KCNV2: variants seen among roughly 807,000 people sequenced by gnomAD.
KCNV2 encodes potassium voltage-gated channel modifier subfamily V member 2, also known as potassium voltage-gated channel subfamily V member 2.
In KCNV2, 65 loss-of-function variants were observed where a neutral mutation model predicts 37.0. The observed-to-expected ratio is 1.76, with a 90% confidence interval of 1.44 to 2.16. The LOEUF is 2.16. Ranked by LOEUF, KCNV2 falls within the 30% of genes most tolerant of loss-of-function variation. The pLI, the probability that KCNV2 is intolerant of heterozygous loss-of-function variation, is 0.00. For synonymous variants in KCNV2, 518 were observed against 328.6 expected, an observed-to-expected ratio of 1.58 and a Z score of -6.23; for missense variants, 1,232 against 766.7, an observed-to-expected ratio of 1.61 and a Z score of -7.17.
rs768154610 is a variant in KCNV2, at chr9:2,717,768, C to T, written c.29C>T (p.Ser10Phe). Residue 10 changes from serine (S) to phenylalanine (F), a missense_variant, in exon 1 of 2, where the codon TCC becomes TTC. By Grantham distance (155) the Ser-to-Phe change is radical. Transcript: ENST00000382082. The stretch of plus-strand genomic sequence containing the variant: ...CTCAAACAGAGTGAGAGGAGACGGT[C>T]CTGGAGCTACAGGCCCTGGAACACG... MLKQSERRR[S>F]WSYRPWNTTE... 2 of 1,614,086 alleles carry T rather than the reference C, an allele frequency of 1.2e-6. No homozygotes were observed. The highest frequency in any genetic ancestry group is 2.7e-5 in the African/African-American group (2 of 74,938).
chr9:2,719,371 T>C (rs994423202), intron 1 of KCNV2, among the ~76,000 whole-genome samples: 1 of 152,196 alleles, frequency 6.6e-6, no homozygotes, highest in Non-Finnish European at 1.5e-5. Context: ...TTAAAGAAGA[T>C]GCGTCATCAT....
chr9:2,721,182 C>T (rs1819860801), intron 1 of KCNV2, among the ~76,000 whole-genome samples: 1 of 152,200 alleles, frequency 6.6e-6, no homozygotes. Flanking sequence ...CACATTCCAA[C>T]CATCCCATTT....
Position 2,718,887 on chromosome 9 carries a change from G to C in KCNV2, c.1148G>C (p.Arg383Pro), listed in dbSNP as rs141881396. ...GQVLRVMRLM[R>P]IFRILKLARH... is the part of the protein sequence containing the mutation. ...GTGTTGCGCGTCATGCGCCTCATGCGCATCTTCCGCATCCTCAAGCTGGCG... is the reference window on the plus strand; with the variant it reads ...GTGTTGCGCGTCATGCGCCTCATGCCCATCTTCCGCATCCTCAAGCTGGCG... Residue 383 changes from arginine to proline, a missense_variant, in exon 1 of 2, where the codon CGC (arginine) becomes CCC (proline). Arg to Pro is a moderately radical substitution (Grantham distance 103, BLOSUM62 -2). Transcript: ENST00000382082. 6.2e-7 allele frequency: 1 copy of C among 1,608,700 alleles called. No individual in the cohort carries two copies. Among genetic ancestry groups the C allele is most frequent in the South Asian group, 1.1e-5 (1 of 91,080 alleles).
chr9:2,725,450 T>TA (rs1819953382), intron 1 of KCNV2, among the ~76,000 whole-genome samples: 2 of 152,246 alleles, frequency 1.3e-5, no homozygotes, highest in Admixed American at 6.5e-5. Flanking sequence ...TTAAAATAGT[T>TA]AAGACACTTT....
intron 1 of KCNV2, among the ~76,000 whole-genome samples, chr9:2,720,834 T>C (rs573390559): frequency 1.5e-4 from 23 of 152,334 alleles, no homozygotes; most frequent in Non-Finnish European, 3.1e-4. Context: ...CAAACGGATA[T>C]GGCTAGAGAA....
intron 1 of KCNV2, among the ~76,000 whole-genome samples, chr9:2,726,437 T>A (rs888294842): frequency 6.6e-6 from 1 of 152,208 alleles, no homozygotes; most frequent in African/African-American, 2.4e-5. Flanking sequence ...CAGATATTTA[T>A]TCTTCTTTAA....
rs181883624 is a variant in KCNV2 at position 2,724,452 on chromosome 9, A to C, written c.1357-4994A>C. ...AATAGATAGTTGTTAGAAGACTAGA[A>C]GAAGAAAAAAAAGAAGACTGGAAAA... On this transcript the variant is annotated intron_variant, in intron 1 of 1. Transcript: ENST00000382082. Among the ~76,000 whole-genome samples the C allele has an allele frequency of 2.6e-3, 395 of 152,350 alleles. 1 individual carries two copies. Among genetic ancestry groups the C allele is most frequent in the Admixed American group, 8.1e-3 (124 of 15,304 alleles).
chr9:2,727,132 G>A (rs1035088462), intron 1 of KCNV2, among the ~76,000 whole-genome samples: 1 of 152,116 alleles, frequency 6.6e-6, no homozygotes, highest in Non-Finnish European at 1.5e-5. Flanking sequence ...CCAGAGGTGT[G>A]AGTCATGGTG....
rs1563800897 is a variant in KCNV2, at chr9:2,729,670, GATAGCTGAGTGTTTGCTTGGAAGCAACCC to G, written c.1583_1611del (p.Ile528ThrfsTer18). 1 of 1,614,142 alleles carries G rather than the reference GATAGCTGAGTGTTTGCTTGGAAGCAACCC, an allele frequency of 6.2e-7. No individual in the cohort carries two copies. Among genetic ancestry groups the G allele is most frequent in the Non-Finnish European group, 8.5e-7 (1 of 1,180,002 alleles). On this transcript the variant is annotated frameshift_variant, in exon 2 of 2. Coordinates refer to ENST00000382082, the MANE Select transcript of KCNV2 (RefSeq NM_133497.4). LOFTEE classifies it high-confidence loss of function. ...ACTTCATGCAGAGAGCCAGAAAGAA[GATAGCTGAGTGTTTGCTTGGAAGCAACCC>G]ACAGCTCACCCCAAGACAAGAGAAT...
Position 2,718,497 on chromosome 9 carries a change from C to A in KCNV2, c.758C>A (p.Pro253Gln), listed in dbSNP as rs760295753. The A allele has an allele frequency of 6.2e-7, 1 of 1,610,828 alleles. No homozygotes were observed. Among genetic ancestry groups the A allele is most frequent in the African/African-American group, 1.3e-5 (1 of 74,910 alleles). ...RRRLWNLMEK[P>Q]FSSVAAKAIG... ...CGCCTCTGGAACCTCATGGAGAAGC[C>A]ATTCTCCTCGGTGGCCGCCAAGGCC... Residue 253 changes from proline (P) to glutamine (Q), a missense_variant, in exon 1 of 2, where the codon CCA becomes CAA. By Grantham distance (76) the Pro-to-Gln change is moderately conservative. Coordinates refer to ENST00000382082, the MANE Select transcript of KCNV2 (RefSeq NM_133497.4).
intron 1 of KCNV2, among the ~76,000 whole-genome samples, chr9:2,724,341 G>C (rs890372454): frequency 6.6e-6 from 1 of 152,052 alleles, no homozygotes; most frequent in Non-Finnish European, 1.5e-5. Flanking sequence ...TTGCTTTGAG[G>C]AAACCCATTT....
Position 2,717,839 on chromosome 9 carries a change from G to A in KCNV2, c.100G>A (p.Gly34Ser), listed in dbSNP as rs949623104. Residue 34 changes from glycine to serine, a missense_variant, in exon 1 of 2, where the codon GGT becomes AGT. Transcript: ENST00000382082. ...SQHRRSICSL[G>S]ARSGSQASIH... Reference sequence around the variant, plus strand: ...ACACCGCAGGAGCATTTGCTCCCTGGGTGCCCGTTCCGGCTCCCAGGCCAG... The same window carrying A: ...ACACCGCAGGAGCATTTGCTCCCTGAGTGCCCGTTCCGGCTCCCAGGCCAG... The A allele has an allele frequency of 1.2e-6, 2 of 1,614,220 alleles. No individual in the cohort carries two copies. Among genetic ancestry groups the A allele is most frequent in the Non-Finnish European group, 1.7e-6 (2 of 1,180,030 alleles).
intron 1 of KCNV2, among the ~76,000 whole-genome samples, chr9:2,725,917 G>C (rs774596128): frequency 3.9e-5 from 6 of 152,288 alleles, no homozygotes; most frequent in African/African-American, 1.4e-4. Flanking sequence ...TGTTTAGTGA[G>C]TAAACTGCCA....
At chr9:2,724,378 A>T (rs1381804074) in intron 1 of KCNV2, among the ~76,000 whole-genome samples, 1 of 152,218 alleles carries the variant, frequency 6.6e-6, no homozygotes. Flanking sequence ...TGCAGTCAGG[A>T]AAATAGATAC....
chr9:2,722,002 G>C (rs1037480639), intron 1 of KCNV2, among the ~76,000 whole-genome samples: 1 of 146,856 alleles, frequency 6.8e-6, no homozygotes, highest in African/African-American at 2.5e-5. Context: ...ACATACCCAT[G>C]ATAAATGTGT....
chr9:2,725,083 C>T (rs1256536711), intron 1 of KCNV2, among the ~76,000 whole-genome samples: 1 of 152,122 alleles, frequency 6.6e-6, no homozygotes, highest in Non-Finnish European at 1.5e-5. Flanking sequence ...GTGAGTGGAA[C>T]ATGACAGCAT....
chr9:2,717,699 A>T lies in KCNV2; in HGVS notation c.-41A>T. 6.2e-7 allele frequency: 1 copy of T among 1,613,750 alleles called. No individual in the cohort carries two copies. On this transcript the variant is annotated 5_prime_UTR_variant, in exon 1 of 2. Coordinates refer to ENST00000382082, the MANE Select transcript of KCNV2 (RefSeq NM_133497.4). ...AGTGAGCAGGTGAGGGACCCCTACC[A>T]CAGCCAGGAGGAAAAAGCTAGGCGT...
At position 2,729,789 on chromosome 9, in the gene KCNV2, T is replaced by A; in HGVS notation, c.*62T>A. 6.5e-7 allele frequency: 1 copy of A among 1,540,852 alleles called. No individual in the cohort carries two copies. The highest frequency in any genetic ancestry group is 1.7e-5 in the Admixed American group (1 of 59,896). ...CTTCAAGGCTTCATTGCTCTTTTTT[T>A]AATCATTATGATTGGCAGCAAAAGG... On this transcript the variant is annotated 3_prime_UTR_variant, in exon 2 of 2. Coordinates refer to ENST00000382082, the MANE Select transcript of KCNV2 (RefSeq NM_133497.4).
At position 2,717,676 on chromosome 9, in the gene KCNV2, T is replaced by C; in HGVS notation, c.-64T>C. 10 of 1,604,874 alleles carry C rather than the reference T, an allele frequency of 6.2e-6. No homozygotes were observed. Among genetic ancestry groups the C allele is most frequent in the Middle Eastern group, 1.7e-4 (1 of 6,022 alleles). On this transcript the variant is annotated 5_prime_UTR_variant, in exon 1 of 2. Transcript: ENST00000382082. The stretch of plus-strand genomic sequence containing the variant: ...ACGTGATCCATCCTCCTAGAGGCAG[T>C]GAGCAGGTGAGGGACCCCTACCACA...
Sources: gnomAD v4.1 joint callset for allele counts (sites outside exome capture counted in the v4.1 genomes callset) on GRCh38, gnomAD v4.1.1 for gene constraint, MANE v1.5 for transcripts, NCBI Gene and HGNC (gene_info 2026-07-23, HGNC 2026-07-21) for gene names.